The following ULK2 variants were observed in gnomAD, a reference collection of about 807,000 sequenced individuals.
ULK2 encodes the protein serine/threonine-protein kinase ULK2.
In ULK2, 76 loss-of-function variants were observed where a neutral mutation model predicts 127.5. The observed-to-expected ratio is 0.60, with a 90% CI of 0.50 to 0.72. The LOEUF is 0.72. ULK2 is among the 30% of genes least tolerant of loss of function. ULK2 has a pLI of 0.00. For synonymous variants in ULK2, 452 were observed against 461.9 expected (o/e 0.98, Z 0.28); for missense variants, 1,144 against 1,295.9 (o/e 0.88, Z 1.80).
chr17:19,772,942 C>T lies in ULK2; in HGVS notation c.*3407G>A, dbSNP rs1165541228. ...GCAGTGAGCCAAGATTGTGCCACTG[C>T]ACTCCAGCCTGGGTGACAGAGCAAG... On this transcript the variant is annotated 3_prime_UTR_variant, in exon 27 of 27. Coordinates refer to ENST00000395544, the MANE Select transcript of ULK2 (RefSeq NM_014683.4). The T allele has an allele frequency of 2.0e-5, 3 of 152,176 alleles. No individual in the cohort carries two copies. Among genetic ancestry groups the T allele is most frequent in the Non-Finnish European group, 4.4e-5 (3 of 68,606 alleles). 9.4% of individuals were successfully genotyped at this position (152,176 alleles called of 1,614,324 possible). A position where few individuals can be genotyped will look rare whatever the true frequency, so the allele number is the denominator to read the frequency against.
At position 19,786,042 on chromosome 17, in the gene ULK2, T is replaced by A; in HGVS notation, c.2146A>T (p.Thr716Ser). ...CGGVLAPPAGTAASSKAVLFT... is the reference protein window; with the variant it reads ...CGGVLAPPAGSAASSKAVLFT... ...AGGACAGCCTTGGAACTTGCTGCTG[T>A]ACCTGCAGGAGGTGCCAGAACACCA... is the stretch of plus-strand genomic sequence containing the variant. The change falls in exon 21 of 27, where the codon ACA becomes TCA. Residue 716 changes from threonine (T) to serine (S), a missense_variant. Transcript: ENST00000395544. 1 of 1,574,108 alleles carries A rather than the reference T, an allele frequency of 6.4e-7. No individual in the cohort carries two copies. Among genetic ancestry groups the A allele is most frequent in the Non-Finnish European group, 8.6e-7 (1 of 1,166,766 alleles).
chr17:19,801,392 G>A (rs1283959951), intron 16 of ULK2, among the ~76,000 whole-genome samples: 2 of 152,222 alleles, frequency 1.3e-5, no homozygotes, highest in Admixed American at 6.5e-5. Flanking sequence ...GGGTAACATA[G>A]TGAAACTTTG....
chr17:19,849,223 G>T, intron 5 of ULK2, 146 bp downstream of exon 5: 1 of 708,150 alleles, frequency 1.4e-6, no homozygotes, highest in South Asian at 2.1e-5. Context: ...TCTGCAAAGT[G>T]ACCACAAGTC....
In ULK2 at chr17:19,843,107, A is replaced by G. The variant is rs745371393; in HGVS notation, c.645+14T>C. 9 of 1,603,862 alleles carry G rather than the reference A, an allele frequency of 5.6e-6. No homozygotes were observed. The South Asian group carries it at 9.9e-5, about 18-fold the overall frequency. ...GATCCCAAAACTGAGGACATAAGAAAAAAGTCAGCCTACCTGAAAAGGTGG... is the reference window on the plus strand; with the variant it reads ...GATCCCAAAACTGAGGACATAAGAAGAAAGTCAGCCTACCTGAAAAGGTGG... On this transcript the variant is annotated intron_variant, in intron 8 of 26. Transcript: ENST00000395544.
intron 13 of ULK2, among the ~76,000 whole-genome samples, chr17:19,811,778 A>T (rs1220385803): frequency 1.3e-5 from 2 of 152,164 alleles, no homozygotes; most frequent in East Asian, 1.9e-4. Context: ...TTGATTGCAT[A>T]TACCCAATGG....
intron 3 of ULK2, among the ~76,000 whole-genome samples, chr17:19,863,153 T>C (rs1318119805): frequency 1.3e-5 from 2 of 151,624 alleles, no homozygotes; most frequent in African/African-American, 4.9e-5. Context: ...GGGCAGAGGT[T>C]GCAGTGAGCC....
intron 3 of ULK2, among the ~76,000 whole-genome samples, 162 bp downstream of exon 3, chr17:19,864,641 G>A (rs1224474625): frequency 6.6e-6 from 1 of 151,952 alleles, no homozygotes; most frequent in African/African-American, 2.4e-5. Context: ...CTATTACTCT[G>A]TTCTGTTTTA....
chr17:19,786,189 G>GTTT, intron 20 of ULK2, 103 bp from the exon 21 acceptor site: 31 of 873,076 alleles, frequency 3.6e-5, no homozygotes, highest in South Asian at 6.7e-5. Context: ...GAGTCTAGTG[G>GTTT]TTTTTTTTTT....
At chr17:19,794,854 G>A (rs1447554281) in intron 20 of ULK2, among the ~76,000 whole-genome samples, 1 of 152,054 alleles carries the variant, frequency 6.6e-6, no homozygotes, top group Non-Finnish European at 1.5e-5. Context: ...TGAGATGGGT[G>A]GATCACGAGG....
chr17:19,831,338 G>A (rs995798431), intron 10 of ULK2, among the ~76,000 whole-genome samples: 2 of 151,970 alleles, frequency 1.3e-5, no homozygotes, highest in African/African-American at 4.8e-5. Context: ...TCTCATTCAA[G>A]ATGAGATCTG....
At chr17:19,820,347 T>C (rs904402886) in intron 12 of ULK2, among the ~76,000 whole-genome samples, 7 of 152,166 alleles carry the variant, frequency 4.6e-5, no homozygotes, top group Admixed American at 1.3e-4. Flanking sequence ...GTGTCCGGCC[T>C]AGCTCACTAC....
chr17:19,836,746 A>G (rs1056774197), intron 10 of ULK2, among the ~76,000 whole-genome samples: 12 of 151,252 alleles, frequency 7.9e-5, no homozygotes, highest in African/African-American at 2.9e-4. Context: ...CTCTACTAAA[A>G]ATATAAAAAA....
rs1435203618 is a variant in ULK2 at position 19,816,796 on chromosome 17, G to A, written c.1049C>T (p.Thr350Met). Residue 350 changes from threonine to methionine, a missense_variant, in exon 13 of 27, where the codon ACG (threonine) becomes ATG (methionine). By Grantham distance (81) the Thr-to-Met change is moderately conservative. This residue lies in a region of ULK2 where 913 missense variants were observed against 970.5 expected (regional missense o/e 0.94). Coordinates refer to ENST00000395544, the MANE Select transcript of ULK2 (RefSeq NM_014683.4). Reference protein sequence around the residue: ...STSSKNSSCDTDDFVLVPHNI... With the variant: ...STSSKNSSCDMDDFVLVPHNI... ...GTGTGGCACCAAAACAAAGTCATCCGTGTCACAAGAAGAGTTCTTGCTACT... is the reference window on the plus strand; with the variant it reads ...GTGTGGCACCAAAACAAAGTCATCCATGTCACAAGAAGAGTTCTTGCTACT... 5.0e-6 allele frequency: 8 copies of A among 1,608,686 alleles called. No homozygotes were observed. The highest frequency in any genetic ancestry group is 4.0e-5 in the African/African-American group (3 of 74,614).
At chr17:19,819,096 A>G (rs1224080114) in intron 12 of ULK2, among the ~76,000 whole-genome samples, 1 of 152,056 alleles carries the variant, frequency 6.6e-6, no homozygotes, top group Non-Finnish European at 1.5e-5. Flanking sequence ...TATAAACAAC[A>G]TATCTTGAAA....
rs377440401 is a variant in ULK2 at position 19,840,313 on chromosome 17, C to A, written c.704+1176G>T. 9.2e-4 allele frequency: 483 copies of A among 525,376 alleles called. 3 individuals carry two copies. The highest frequency in any genetic ancestry group is 6.6e-3 in the South Asian group (457 of 69,510). The allele number at this position is 525,376 out of a possible 1,614,324, so 32.5% of individuals were successfully genotyped here. ...AACCGCAGAGGGCTCATCGAAGATC[C>A]TGCCTTGATTCGTTGGACCTATGCA... On this transcript the variant is annotated intron_variant, in intron 9 of 26. Coordinates refer to ENST00000395544, the MANE Select transcript of ULK2 (RefSeq NM_014683.4).
intron 3 of ULK2, among the ~76,000 whole-genome samples, chr17:19,851,267 C>A (rs1167263714): frequency 7.1e-6 from 1 of 140,784 alleles, no homozygotes; most frequent in African/African-American, 2.7e-5. Context: ...GCAGAAGTTG[C>A]AGTGAGCCAA....
chr17:19,817,156 G>C (rs938682127), intron 12 of ULK2, among the ~76,000 whole-genome samples: 1 of 152,154 alleles, frequency 6.6e-6, no homozygotes, highest in African/African-American at 2.4e-5. Context: ...AAAATATATC[G>C]TACCACTTAT....
intron 3 of ULK2, among the ~76,000 whole-genome samples, chr17:19,851,968 C>A (rs2042025585): frequency 6.7e-6 from 1 of 150,266 alleles, no homozygotes; most frequent in Admixed American, 6.6e-5. Flanking sequence ...ATCGCTTGAA[C>A]CCGGGAGACA....
At chr17:19,832,841 G>A (rs184830513) in intron 10 of ULK2, among the ~76,000 whole-genome samples, 2 of 152,212 alleles carry the variant, frequency 1.3e-5, no homozygotes, top group Admixed American at 6.5e-5. Flanking sequence ...AGAACAATCC[G>A]ACCAGGCATC....
Sources: allele counts gnomAD v4.1 joint callset (sites outside exome capture counted in the v4.1 genomes callset), GRCh38; gene constraint gnomAD v4.1.1; regional missense constraint gnomAD v4.1.1; transcripts MANE v1.5; gene names NCBI Gene and HGNC (gene_info 2026-07-23, HGNC 2026-07-21).